RP1: variants seen among roughly 807,000 people sequenced by gnomAD.
RP1 encodes the protein RP1 axonemal microtubule associated.
In RP1, 16 loss-of-function variants were observed where a neutral mutation model predicts 14.8. The observed-to-expected ratio is 1.08, with a 90% CI of 0.73 to 1.65. The LOEUF is 1.65. RP1 is among the 40% of genes most tolerant of loss of function. The pLI is 0.00. For missense variants in RP1, 2,631 were observed against 2,535.0 expected (o/e 1.04, Z -0.81); for synonymous variants, 876 against 883.6 (o/e 0.99, Z 0.15).
At chr8:54,583,664 G>T (rs1804850973) in intron 1 of RP1, among the ~76,000 whole-genome samples, 1 of 152,076 alleles carries the variant, frequency 6.6e-6, no homozygotes, top group Non-Finnish European at 1.5e-5. Flanking sequence ...ATTAATTATT[G>T]CCTCAATTTC....
chr8:54,802,455 T>A (rs1428849930), intron 24 of RP1, among the ~76,000 whole-genome samples: 1 of 152,170 alleles, frequency 6.6e-6, no homozygotes, highest in African/African-American at 2.4e-5. Flanking sequence ...AAATGAGAAA[T>A]ACCTTCAAAT....
intron 25 of RP1, among the ~76,000 whole-genome samples, chr8:54,844,026 A>G (rs1811855534): frequency 6.6e-6 from 1 of 152,238 alleles, no homozygotes; most frequent in African/African-American, 2.4e-5. Context: ...GGCTGAGGGC[A>G]TCAGTGAGAA....
intron 14 of RP1, among the ~76,000 whole-genome samples, chr8:54,703,469 G>A (rs1808075820): frequency 1.3e-5 from 2 of 152,142 alleles, no homozygotes; most frequent in Non-Finnish European, 2.9e-5. Context: ...AAACGATGCT[G>A]TAAATAGATA....
At chr8:54,860,474 T>A (rs1812318519) in intron 27 of RP1, among the ~76,000 whole-genome samples, 1 of 152,170 alleles carries the variant, frequency 6.6e-6, no homozygotes, top group Non-Finnish European at 1.5e-5. Flanking sequence ...TGTAGCAAAT[T>A]TGTAGAACTT....
In RP1 at chr8:54,621,371, G is replaced by A. The variant is rs200402161; in HGVS notation, c.405G>A (p.Ala135=). Residue 135 remains alanine (A), a synonymous_variant, in exon 2 of 4, where the codon GCG becomes GCA. Coordinates refer to ENST00000220676, the MANE Select transcript of RP1 (RefSeq NM_006269.2). ...GGCTCAGCAGCCGGGCCATTAGCGCGCACTCACCGCCCCACCCCGTAGCCG... is the reference window on the plus strand; with the variant it reads ...GGCTCAGCAGCCGGGCCATTAGCGCACACTCACCGCCCCACCCCGTAGCCG... ...RPWLSSRAIS[A]HSPPHPVAVA... is the part of the protein sequence containing the mutation. 1.2e-6 allele frequency: 2 copies of A among 1,612,698 alleles called. No homozygotes were observed. Among genetic ancestry groups the A allele is most frequent in the Non-Finnish European group, 1.7e-6 (2 of 1,179,834 alleles).
chr8:54,786,366 G>A (rs897648903), intron 24 of RP1, among the ~76,000 whole-genome samples: 1 of 152,002 alleles, frequency 6.6e-6, no homozygotes, highest in Non-Finnish European at 1.5e-5. Context: ...CATATGATAA[G>A]TTGTTTATCT....
intron 1 of RP1, among the ~76,000 whole-genome samples, chr8:54,608,469 T>A (rs1368794619): frequency 6.6e-6 from 1 of 152,182 alleles, no homozygotes; most frequent in East Asian, 1.9e-4. Flanking sequence ...CCAAATGACT[T>A]GGCCGAAAGA....
intron 7 of RP1, among the ~76,000 whole-genome samples, chr8:54,665,275 CATTAG>C (rs1160917725): frequency 1.3e-5 from 2 of 152,102 alleles, no homozygotes; most frequent in Non-Finnish European, 2.9e-5. Context: ...AGTTTCTATG[CATTAG>C]ATAAGACAGC....
intron 16 of RP1, among the ~76,000 whole-genome samples, chr8:54,726,087 A>G (rs956002690): frequency 1.3e-5 from 2 of 152,172 alleles, no homozygotes; most frequent in African/African-American, 4.8e-5. Context: ...TGTTTGATTC[A>G]TATTGTGATG....
chr8:54,803,959 T>C (rs983775181), intron 24 of RP1, among the ~76,000 whole-genome samples: 1 of 151,906 alleles, frequency 6.6e-6, no homozygotes, highest in Admixed American at 6.6e-5. Context: ...TCCCAGCTAC[T>C]CAGGAGGCTG....
chr8:54,807,306 A>G (rs1424263578), intron 24 of RP1, among the ~76,000 whole-genome samples: 1 of 152,222 alleles, frequency 6.6e-6, no homozygotes, highest in Admixed American at 6.5e-5. Context: ...TCCTTCAAAG[A>G]ACAAATTCTT....
chr8:54,737,576 C>T (rs1256637701), intron 18 of RP1, among the ~76,000 whole-genome samples: 1 of 152,126 alleles, frequency 6.6e-6, no homozygotes, highest in Non-Finnish European at 1.5e-5. Flanking sequence ...CCACTGAAAC[C>T]AGCTCTGGGA....
chr8:54,791,958 T>G (rs1385821307), intron 24 of RP1, among the ~76,000 whole-genome samples: 1 of 152,058 alleles, frequency 6.6e-6, no homozygotes, highest in African/African-American at 2.4e-5. Flanking sequence ...AAGCTGCCTA[T>G]AGGGGACTCA....
intron 1 of RP1, among the ~76,000 whole-genome samples, chr8:54,608,615 A>G (rs1034178226): frequency 2.8e-4 from 43 of 152,354 alleles, no homozygotes; most frequent in African/African-American, 1.0e-3. Context: ...ACGATATTGC[A>G]GCAAACCACC....
rs184667149 is a variant in RP1, at chr8:54,813,779, A to G, written c.3616-23671A>G. Among the ~76,000 whole-genome samples the G allele has an allele frequency of 1.6e-4, 25 of 152,300 alleles. No individual in the cohort carries two copies. The East Asian group carries it at 4.6e-3, about 28-fold the overall frequency. ...AATGCAGGGGCTGGAAAGATAAGGA[A>G]CTATTTGAAATTATGTTTGCTGTTT... On this transcript the variant is annotated intron_variant, in intron 24 of 28. Coordinates refer to the RP1 transcript ENST00000637698.
At chr8:54,852,618 G>T in exon 26 of RP1, 1 of 1,231,982 alleles carries the variant, frequency 8.1e-7, no homozygotes. Context: ...AATGACAGGT[G>T]CAGAAACAGA....
chr8:54,775,131 C>T (rs963908665), intron 23 of RP1, among the ~76,000 whole-genome samples: 3 of 152,004 alleles, frequency 2.0e-5, no homozygotes, highest in Non-Finnish European at 4.4e-5. Context: ...AACTCACCCA[C>T]AGTTGAGAAC....
In RP1 at chr8:54,851,680, C is replaced by T. The variant is rs114003217; in HGVS notation, c.3836-894C>T. The stretch of plus-strand genomic sequence containing the variant: ...CTGGGGTATTTTTGAATATGTAAGC[C>T]TGCACAAAGAAACTGATGTATCTTC... On this transcript the variant is annotated intron_variant, in intron 25 of 28. Coordinates refer to the RP1 transcript ENST00000637698. Among the ~76,000 whole-genome samples, 936 of 152,310 alleles carry T rather than the reference C, an allele frequency of 6.1e-3. 10 individuals carry two copies. The highest frequency in any genetic ancestry group is 0.021 in the African/African-American group (865 of 41,574).
intron 1 of RP1, among the ~76,000 whole-genome samples, chr8:54,571,353 T>A (rs1804517343): frequency 6.6e-6 from 1 of 152,224 alleles, no homozygotes; most frequent in African/African-American, 2.4e-5. Flanking sequence ...GGGTCCTCCT[T>A]GGCAGGGACT....
Sources: gnomAD v4.1 joint callset for allele counts (sites outside exome capture counted in the v4.1 genomes callset) on GRCh38, gnomAD v4.1.1 for gene constraint, MANE v1.5 for transcripts, NCBI Gene and HGNC (gene_info 2026-07-23, HGNC 2026-07-21) for gene names.